Variants in DMD observed in about 807,000 individuals in gnomAD.
DMD encodes the protein mutant dystrophin.
DMD carries 63 observed loss-of-function variants against 330.1 expected under a neutral mutation model. That is an observed-to-expected ratio of 0.19 (90% CI 0.16 to 0.24). The LOEUF (loss-of-function observed/expected upper bound fraction) is 0.24, where lower values mean the gene tolerates loss of function less well. Ranked by LOEUF, DMD falls within the 10% of genes least tolerant of loss-of-function variation. The probability of loss-of-function intolerance (pLI) is 1.00; values close to 1 mark genes in which losing one functional copy is unlikely to be tolerated. For missense variants in DMD, 3,344 were observed against 2,684.1 expected, an observed-to-expected ratio of 1.25 and a Z score of -5.43; for synonymous variants, 1,223 against 959.8, an observed-to-expected ratio of 1.27 and a Z score of -5.07.
chrX:31,372,550 T>C (rs1328032673), intron 60 of DMD, among the ~76,000 whole-genome samples: 2 of 112,259 alleles, frequency 1.8e-5, no homozygotes, highest in African/African-American at 6.5e-5. Context: ...AGTTAAACAC[T>C]GTTCTGTCCC....
chrX:33,258,329 G>T (rs192016101), intron 1 of DMD, among the ~76,000 whole-genome samples: 1 of 110,657 alleles, frequency 9.0e-6, no homozygotes, highest in African/African-American at 3.3e-5. Flanking sequence ...AAAGTGTTCC[G>T]GTTTGGAAAC....
intron 67 of DMD, 48 bp from the exon 68 acceptor site, chrX:31,182,952 A>G: frequency 9.3e-7 from 1 of 1,077,137 alleles, no homozygotes; most frequent in Non-Finnish European, 1.3e-6. Flanking sequence ...GATGAAAGGA[A>G]AGAAGGCAAG....
upstream of DMD, among the ~76,000 whole-genome samples, chrX:33,211,876 A>T (rs2051933382): frequency 8.9e-6 from 1 of 112,578 alleles, no homozygotes; most frequent in Admixed American, 9.4e-5. Flanking sequence ...TCCGGATTCA[A>T]AATTGACTTT....
At chrX:33,068,632 G>A (rs142563871) in intron 1 of DMD, among the ~76,000 whole-genome samples, 4 of 112,300 alleles carry the variant, frequency 3.6e-5, no homozygotes, top group African/African-American at 1.3e-4. Flanking sequence ...TTATATATGT[G>A]TACACACACA....
intron 44 of DMD, among the ~76,000 whole-genome samples, chrX:31,976,369 A>C (rs905696450): frequency 4.5e-5 from 5 of 111,213 alleles, no homozygotes; most frequent in Non-Finnish European, 1.9e-5. Flanking sequence ...AAAATTTATG[A>C]TGTGAGTTTT....
At chrX:32,054,536 A>C (rs145739833) in intron 44 of DMD, among the ~76,000 whole-genome samples, 1,521 of 109,311 alleles carry the variant, frequency 0.014, 25 homozygotes, top group African/African-American at 0.045. Flanking sequence ...CTACAAAAAA[A>C]TTCTAATTGA....
At chrX:31,254,574 A>G (rs2049734756) in intron 63 of DMD, among the ~76,000 whole-genome samples, 4 of 111,285 alleles carry the variant, frequency 3.6e-5, no homozygotes, top group Non-Finnish European at 3.8e-5. Flanking sequence ...CACGTTGCCC[A>G]GGCTGGTCTT....
At chrX:32,637,747 T>A (rs2059196213) in intron 11 of DMD, among the ~76,000 whole-genome samples, 1 of 111,310 alleles carries the variant, frequency 9.0e-6, no homozygotes, top group Non-Finnish European at 1.9e-5. Flanking sequence ...AGGCCCCTTA[T>A]AAAACCATCA....
intron 49 of DMD, among the ~76,000 whole-genome samples, chrX:31,835,573 T>C (rs765852058): frequency 1.3e-4 from 14 of 111,760 alleles, no homozygotes; most frequent in Admixed American, 3.8e-4. Flanking sequence ...TGAATAAAAG[T>C]ATGTTGATAT....
intron 7 of DMD, among the ~76,000 whole-genome samples, chrX:32,793,543 GAA>G (rs539553963): frequency 3.9e-5 from 4 of 101,311 alleles, no homozygotes; most frequent in South Asian, 4.3e-4. Context: ...GACTAACCAA[GAA>G]AAAAAAAAGA....
chrX:32,586,921 G>A (rs751655567), intron 13 of DMD, among the ~76,000 whole-genome samples: 1 of 111,467 alleles, frequency 9.0e-6, no homozygotes, highest in East Asian at 2.8e-4. Flanking sequence ...GGCAACAAAT[G>A]TTGATGCTTA....
At chrX:33,279,536 T>C (rs1428069095) in intron 1 of DMD, among the ~76,000 whole-genome samples, 1 of 110,291 alleles carries the variant, frequency 9.1e-6, no homozygotes, top group Non-Finnish European at 1.9e-5. Context: ...TGTGGATACG[T>C]TTCTGTATGA....
chrX:31,128,169 A>T (rs1029650359), intron 77 of DMD, among the ~76,000 whole-genome samples: 1 of 111,459 alleles, frequency 9.0e-6, no homozygotes, highest in African/African-American at 3.3e-5. Flanking sequence ...AGGTTTTTTT[A>T]AAAAAGTATC....
At chrX:32,766,607 G>C (rs1490116554) in intron 7 of DMD, among the ~76,000 whole-genome samples, 1 of 111,073 alleles carries the variant, frequency 9.0e-6, no homozygotes, top group Non-Finnish European at 1.9e-5. Context: ...GAAATCTCTA[G>C]AATTTTCTAC....
intron 44 of DMD, among the ~76,000 whole-genome samples, chrX:32,135,298 T>G (rs1180628220): frequency 8.9e-6 from 1 of 112,900 alleles, no homozygotes. Context: ...TGCAAATATA[T>G]GGAAATGATT....
chrX:31,923,780 T>C (rs1469313655), intron 47 of DMD, among the ~76,000 whole-genome samples: 2 of 110,862 alleles, frequency 1.8e-5, no homozygotes, highest in Non-Finnish European at 3.8e-5. Flanking sequence ...GTATTTTTAA[T>C]AGAGACGGAG....
chrX:32,895,317 C>A (rs971759010), intron 2 of DMD, among the ~76,000 whole-genome samples: 1 of 112,333 alleles, frequency 8.9e-6, no homozygotes, highest in African/African-American at 3.2e-5. Flanking sequence ...AGTGACAAAG[C>A]AAGTGGTTTA....
intron 7 of DMD, among the ~76,000 whole-genome samples, chrX:32,762,479 C>G (rs1420613925): frequency 9.0e-6 from 1 of 111,276 alleles, no homozygotes; most frequent in Admixed American, 9.6e-5. Flanking sequence ...GATAATCAAA[C>G]AAGGTAATTT....
chrX:31,166,416 CA>C (rs1182996980), intron 74 of DMD, among the ~76,000 whole-genome samples: 1 of 111,426 alleles, frequency 9.0e-6, no homozygotes, highest in African/African-American at 3.3e-5. Flanking sequence ...GCTAAAGGAA[CA>C]TAAAATATAT....
Sources: gnomAD v4.1 joint callset for allele counts (sites outside exome capture counted in the v4.1 genomes callset) on GRCh38, gnomAD v4.1.1 for gene constraint, MANE v1.5 for transcripts, NCBI Gene and HGNC (gene_info 2026-07-23, HGNC 2026-07-21) for gene names.